Variants in PARP8 observed in about 807,000 individuals in gnomAD.
PARP8 encodes protein mono-ADP-ribosyltransferase PARP8.
Under a neutral mutation model 124.1 loss-of-function variants are expected in PARP8, and 51 were observed. That is an observed-to-expected ratio of 0.41 (90% CI 0.33 to 0.52). The LOEUF (loss-of-function observed/expected upper bound fraction) is 0.52, where lower values mean the gene tolerates loss of function less well. PARP8 is among the 20% of genes least tolerant of loss of function. The pLI is 0.21. For synonymous variants in PARP8, 391 were observed against 361.5 expected, an observed-to-expected ratio of 1.08 and a Z score of -0.93; for missense variants, 860 against 1,018.9, an observed-to-expected ratio of 0.84 and a Z score of 2.12.
intron 14 of PARP8, 107 bp downstream of exon 14, chr5:50,797,340 T>C: frequency 1.4e-6 from 1 of 729,228 alleles, no homozygotes; most frequent in Non-Finnish European, 2.1e-6. Context: ...GCAAATACTC[T>C]TTATTGAGCA....
At chr5:50,669,886 C>T (rs573790972) in intron 2 of PARP8, among the ~76,000 whole-genome samples, 1 of 152,280 alleles carries the variant, frequency 6.6e-6, no homozygotes, top group East Asian at 1.9e-4. Flanking sequence ...ACAAGTGTAC[C>T]TGAGCCTTTT....
At chr5:50,798,661 A>G (rs536217360) in intron 14 of PARP8, among the ~76,000 whole-genome samples, 1 of 152,080 alleles carries the variant, frequency 6.6e-6, no homozygotes, top group Middle Eastern at 3.4e-3. Context: ...TGACCTTGTG[A>G]TTCACCAGCC....
chr5:50,777,061 C>G (rs1000519378), intron 7 of PARP8, among the ~76,000 whole-genome samples: 1 of 152,172 alleles, frequency 6.6e-6, no homozygotes, highest in Admixed American at 6.5e-5. Flanking sequence ...AATGCTTGAC[C>G]TGGTTTCCAA....
intron 2 of PARP8, among the ~76,000 whole-genome samples, chr5:50,704,856 T>C (rs1211615610): frequency 1.3e-5 from 2 of 152,342 alleles, no homozygotes; most frequent in African/African-American, 4.8e-5. Flanking sequence ...ATATGGAATG[T>C]TCAAAATGGT....
At chr5:50,695,644 G>T (rs1209427022) in intron 2 of PARP8, among the ~76,000 whole-genome samples, 2 of 151,724 alleles carry the variant, frequency 1.3e-5, no homozygotes, top group African/African-American at 4.8e-5. Flanking sequence ...TTGCATCCTT[G>T]CTTCATTGTA....
intron 1 of PARP8, 142 bp from the exon 2 acceptor site, chr5:50,667,929 A>G: frequency 6.5e-7 from 1 of 1,534,102 alleles, no homozygotes; most frequent in Admixed American, 2.0e-5. Context: ...GACGCGGCGC[A>G]GAGGGACCTC....
chr5:50,810,087 A>T (rs1316043516), intron 14 of PARP8, among the ~76,000 whole-genome samples: 2 of 152,008 alleles, frequency 1.3e-5, no homozygotes, highest in African/African-American at 4.8e-5. Flanking sequence ...GAAAACTTCT[A>T]AAATATATCT....
At chr5:50,710,207 C>A (rs891496086) in intron 2 of PARP8, among the ~76,000 whole-genome samples, 8 of 151,886 alleles carry the variant, frequency 5.3e-5, no homozygotes, top group Admixed American at 3.9e-4. Context: ...GGTGTTGAAA[C>A]AAGCACCTTC....
intron 2 of PARP8, among the ~76,000 whole-genome samples, chr5:50,694,890 C>T (rs1012452998): frequency 4.6e-5 from 7 of 152,138 alleles, no homozygotes; most frequent in African/African-American, 1.7e-4. Flanking sequence ...GTCCAAGAGT[C>T]CAAAAGCTGA....
intron 14 of PARP8, among the ~76,000 whole-genome samples, chr5:50,803,622 A>G (rs1285245276): frequency 6.6e-6 from 1 of 151,928 alleles, no homozygotes; most frequent in Non-Finnish European, 1.5e-5. Context: ...TTTTTATTTC[A>G]GTAATTGTAC....
intron 7 of PARP8, among the ~76,000 whole-genome samples, chr5:50,766,228 C>T (rs1761045794): frequency 6.6e-6 from 1 of 152,180 alleles, no homozygotes. Context: ...TTGAATCATA[C>T]ATGTAAACAT....
intron 15 of PARP8, among the ~76,000 whole-genome samples, chr5:50,819,847 C>A (rs1044061488): frequency 2.6e-5 from 4 of 152,076 alleles, no homozygotes; most frequent in African/African-American, 9.7e-5. Context: ...TAATGTGCAT[C>A]TCTAGAGTAG....
intron 2 of PARP8, among the ~76,000 whole-genome samples, chr5:50,748,629 T>C (rs765203545): frequency 1.4e-4 from 21 of 152,154 alleles, no homozygotes; most frequent in Non-Finnish European, 2.6e-4. Context: ...GTATATATAA[T>C]ATATGGGCTG....
chr5:50,709,592 TTAA>T (rs898758053), intron 2 of PARP8, among the ~76,000 whole-genome samples: 37 of 151,928 alleles, frequency 2.4e-4, no homozygotes, highest in Non-Finnish European at 4.7e-4. Context: ...GAAACATATT[TTAA>T]TAATAATGTA....
chr5:50,833,070 G>C (rs1747165272), intron 23 of PARP8, among the ~76,000 whole-genome samples: 1 of 152,134 alleles, frequency 6.6e-6, no homozygotes, highest in Non-Finnish European at 1.5e-5. Context: ...TAATACCAGA[G>C]ATACTCCTAG....
chr5:50,745,083 C>T (rs1320916162), intron 2 of PARP8: 3 of 248,154 alleles, frequency 1.2e-5, no homozygotes, highest in Non-Finnish European at 2.3e-5. Flanking sequence ...GGTGATTTTC[C>T]TTCTGGTATA....
intron 7 of PARP8, among the ~76,000 whole-genome samples, chr5:50,763,894 T>C (rs1446032265): frequency 3.3e-5 from 5 of 152,302 alleles, no homozygotes; most frequent in African/African-American, 9.6e-5. Flanking sequence ...AGTCTTGAAG[T>C]CTCCATGGAA....
intron 7 of PARP8, among the ~76,000 whole-genome samples, chr5:50,771,669 C>A (rs375662401): frequency 1.3e-5 from 2 of 151,802 alleles, no homozygotes; most frequent in African/African-American, 4.9e-5. Context: ...CTTGAATAGT[C>A]GATAGAAATT....
At position 50,843,837 on chromosome 5, in the gene PARP8, A is replaced by AT. The variant is rs1454739055; in HGVS notation, c.*1776dup. The AT allele has an allele frequency of 1.3e-5, 2 of 151,752 alleles. No individual in the cohort carries two copies. The highest frequency in any genetic ancestry group is 2.9e-5 in the Non-Finnish European group (2 of 67,810). 9.4% of individuals were successfully genotyped at this position (151,752 alleles called of 1,614,324 possible). ...TAAAACATGTTTAAGCAACAGAATT[A>AT]TTTTTTTGAAATTAGTCTATACGTT... On this transcript the variant is annotated 3_prime_UTR_variant, in exon 26 of 26. Transcript: ENST00000281631.
Sources: allele counts gnomAD v4.1 joint callset (sites outside exome capture counted in the v4.1 genomes callset), GRCh38; gene constraint gnomAD v4.1.1; transcripts MANE v1.5; gene names NCBI Gene and HGNC (gene_info 2026-07-23, HGNC 2026-07-21).